Variants in NTNG1 observed in about 807,000 individuals in gnomAD.
NTNG1 encodes netrin-G1.
In NTNG1, 16 loss-of-function variants were observed where a neutral mutation model predicts 54.0. The ratio of observed to expected loss-of-function variants is 0.30; its 90% CI spans 0.20 to 0.45. NTNG1 has a LOEUF of 0.45. NTNG1 is among the 20% of genes least tolerant of loss of function. NTNG1 has a pLI of 1.00. For synonymous variants in NTNG1, 255 were observed against 263.1 expected (o/e 0.97, Z 0.30); for missense variants, 530 against 678.7 (o/e 0.78, Z 2.43).
chr1:107,415,544 C>T (rs1358174168), intron 5 of NTNG1, among the ~76,000 whole-genome samples: 1 of 152,100 alleles, frequency 6.6e-6, no homozygotes, highest in African/African-American at 2.4e-5. Context: ...CAGATAGCTC[C>T]TCAGTGGCGG....
chr1:107,267,454 C>A (rs762375732), intron 2 of NTNG1, among the ~76,000 whole-genome samples: 6 of 152,158 alleles, frequency 3.9e-5, no homozygotes, highest in Non-Finnish European at 8.8e-5. Flanking sequence ...CCCAGTTGTT[C>A]AAACTGAAAC....
At chr1:107,196,755 C>T (rs2101242894) in intron 2 of NTNG1, among the ~76,000 whole-genome samples, 1 of 151,984 alleles carries the variant, frequency 6.6e-6, no homozygotes, top group African/African-American at 2.4e-5. Flanking sequence ...AAGAGTTCTA[C>T]CTGCCAATAT....
chr1:107,184,097 T>TC (rs1375876656), intron 2 of NTNG1, among the ~76,000 whole-genome samples: 1 of 152,034 alleles, frequency 6.6e-6, no homozygotes, highest in African/African-American at 2.4e-5. Flanking sequence ...ACCCAGTCCT[T>TC]CCCCCAACAT....
At chr1:107,168,001 T>C (rs1655936269) in intron 2 of NTNG1, among the ~76,000 whole-genome samples, 1 of 152,050 alleles carries the variant, frequency 6.6e-6, no homozygotes. Context: ...ATTGGGCTAT[T>C]GACAAATTGA....
chr1:107,149,248 T>C (rs1654375853), intron 2 of NTNG1, among the ~76,000 whole-genome samples: 1 of 152,200 alleles, frequency 6.6e-6, no homozygotes. Flanking sequence ...CATATGTGTA[T>C]AAAGCCAGTC....
At chr1:107,386,074 C>CAT (rs1671951576) in intron 3 of NTNG1, among the ~76,000 whole-genome samples, 1 of 142,430 alleles carries the variant, frequency 7.0e-6, no homozygotes. Context: ...TGTATATATA[C>CAT]ATATATATAC....
chr1:107,189,468 A>G (rs1657736261), intron 2 of NTNG1, among the ~76,000 whole-genome samples: 2 of 151,882 alleles, frequency 1.3e-5, no homozygotes, highest in African/African-American at 4.8e-5. Context: ...CTTGAAAAAA[A>G]AAAGGCGGGG....
chr1:107,192,860 C>A (rs763461856), intron 2 of NTNG1, among the ~76,000 whole-genome samples: 4 of 151,954 alleles, frequency 2.6e-5, no homozygotes, highest in African/African-American at 2.4e-5. Flanking sequence ...CTGACTAATT[C>A]TGAATAATGG....
chr1:107,432,926 T>C lies in NTNG1; in HGVS notation c.1255+2009T>C, dbSNP rs115422322. ...TGAACTCCACATCTGCTTCTTTCTA[T>C]CCAGTTTTAAGAGGTATAGTTCAGT... On this transcript the variant is annotated intron_variant, in intron 6 of 7. Coordinates refer to ENST00000370068, the MANE Select transcript of NTNG1 (RefSeq NM_001113226.3). Among the ~76,000 whole-genome samples the C allele has an allele frequency of 2.2e-3, 330 of 152,284 alleles. 2 individuals carry two copies. The highest frequency in any genetic ancestry group is 7.8e-3 in the African/African-American group (325 of 41,566).
chr1:107,337,126 A>T (rs1668628363), intron 3 of NTNG1, among the ~76,000 whole-genome samples: 1 of 152,030 alleles, frequency 6.6e-6, no homozygotes, highest in Non-Finnish European at 1.5e-5. Context: ...ATCCAAAAGA[A>T]GTTAAAGCGG....
chr1:107,431,767 A>C (rs1367232489), intron 6 of NTNG1, among the ~76,000 whole-genome samples: 1 of 152,236 alleles, frequency 6.6e-6, no homozygotes, highest in Non-Finnish European at 1.5e-5. Context: ...ATATATTTGA[A>C]ATGCTGAAAA....
chr1:107,418,086 A>G (rs1311867941), intron 5 of NTNG1, among the ~76,000 whole-genome samples: 1 of 152,038 alleles, frequency 6.6e-6, no homozygotes, highest in East Asian at 1.9e-4. Flanking sequence ...CACATATAAA[A>G]ATAGGAAATA....
chr1:107,375,275 T>G lies in NTNG1; in HGVS notation c.888-19879T>G, dbSNP rs144186468. 3.0e-3 allele frequency among the ~76,000 whole-genome samples: 463 copies of G among 152,340 alleles called. 2 individuals carry two copies. Among genetic ancestry groups the G allele is most frequent in the African/African-American group, 0.011 (443 of 41,584 alleles). On this transcript the variant is annotated intron_variant, in intron 3 of 7. Transcript: ENST00000370068. ...CGGGAGTCTAGTAGCTCAGCCTGCGTTCCTCCTTTCTACACTCTGGCAAGC... is the reference window on the plus strand; with the variant it reads ...CGGGAGTCTAGTAGCTCAGCCTGCGGTCCTCCTTTCTACACTCTGGCAAGC...
intron 5 of NTNG1, 94 bp from the exon 6 acceptor site, chr1:107,430,656 T>A: frequency 7.9e-7 from 1 of 1,269,290 alleles, no homozygotes; most frequent in Non-Finnish European, 1.1e-6. Flanking sequence ...CATTCCACCG[T>A]CTTTTCTCCA....
chr1:107,237,844 G>T (rs753982933), intron 2 of NTNG1, among the ~76,000 whole-genome samples: 3 of 152,204 alleles, frequency 2.0e-5, no homozygotes, highest in Non-Finnish European at 4.4e-5. Context: ...ACACCTGAAT[G>T]CCCAGCCAAA....
intron 7 of NTNG1, among the ~76,000 whole-genome samples, chr1:107,478,668 C>T (rs1476886995): frequency 6.6e-6 from 1 of 152,140 alleles, no homozygotes; most frequent in Non-Finnish European, 1.5e-5. Flanking sequence ...AGGAAATATC[C>T]CATTCAGCAT....
intron 3 of NTNG1, among the ~76,000 whole-genome samples, chr1:107,343,876 G>A (rs528995183): frequency 3.1e-4 from 47 of 152,266 alleles, no homozygotes; most frequent in Non-Finnish European, 5.0e-4. Context: ...GGGGGCTGCT[G>A]CACTTGGAAG....
chr1:107,239,698 CAAG>C (rs1362124858), intron 2 of NTNG1, among the ~76,000 whole-genome samples: 1 of 152,058 alleles, frequency 6.6e-6, no homozygotes, highest in Non-Finnish European at 1.5e-5. Flanking sequence ...AAAGAGAGAA[CAAG>C]AAGCCATCAC....
intron 2 of NTNG1, among the ~76,000 whole-genome samples, chr1:107,287,498 G>A (rs1195472394): frequency 2.0e-5 from 3 of 152,140 alleles, no homozygotes; most frequent in African/African-American, 7.2e-5. Context: ...CTGTAGTCCC[G>A]ACTACTCAGG....
Sources: allele counts gnomAD v4.1 joint callset (sites outside exome capture counted in the v4.1 genomes callset), GRCh38; gene constraint gnomAD v4.1.1; transcripts MANE v1.5; gene names NCBI Gene and HGNC (gene_info 2026-07-23, HGNC 2026-07-21).